ILDR2: variants seen among roughly 807,000 people sequenced by gnomAD.
ILDR2 encodes immunoglobulin-like domain-containing receptor 2.
Under a neutral mutation model 66.8 loss-of-function variants are expected in ILDR2, and 25 were observed. The ratio of observed to expected loss-of-function variants is 0.37; its 90% CI spans 0.27 to 0.52. The LOEUF is 0.52. Ranked by LOEUF, ILDR2 falls within the 20% of genes least tolerant of loss-of-function variation. The pLI is 0.88. For missense variants in ILDR2, 827 were observed against 876.8 expected, an observed-to-expected ratio of 0.94 and a Z score of 0.72; for synonymous variants, 367 against 357.2, an observed-to-expected ratio of 1.03 and a Z score of -0.31.
chr1:166,957,876 A>C lies in ILDR2; in HGVS notation c.272T>G (p.Leu91Trp). The change falls in exon 2 of 10, where the codon TTG becomes TGG. Residue 91 changes from leucine (L) to tryptophan (W), a missense_variant. By Grantham distance (61) the Leu-to-Trp change is moderately conservative (BLOSUM62 -2). Around this residue, in one of 2 missense-constraint regions of ILDR2, gnomAD observed 437 missense variants for 523.2 expected, o/e 0.84. Coordinates refer to ENST00000271417, the MANE Select transcript of ILDR2 (RefSeq NM_199351.3). ...SKRNLEWDPY[L>W]DCLDSRRTVR... Reference sequence around the variant, plus strand: ...AGTCCTCCTGCTGTCCAAACAATCCAAGTAGGGGTCCCATTCCAGGTTTCT... The same window carrying C: ...AGTCCTCCTGCTGTCCAAACAATCCCAGTAGGGGTCCCATTCCAGGTTTCT... 1 of 1,614,074 alleles carries C rather than the reference A, an allele frequency of 6.2e-7. No individual in the cohort carries two copies. The highest frequency in any genetic ancestry group is 8.5e-7 in the Non-Finnish European group (1 of 1,179,988).
At position 166,927,198 on chromosome 1, in the gene ILDR2, A is replaced by G. The variant is rs753597510; in HGVS notation, c.881-18T>C. On this transcript the variant is annotated intron_variant, in intron 6 of 9. Transcript: ENST00000271417. ...TTTGCGAACTGTTGAGAAAAGCACA[A>G]GAAGGTGAGCTGAAAAAGGAAAATA... 9.6e-6 allele frequency: 15 copies of G among 1,561,418 alleles called. No individual in the cohort carries two copies. Among genetic ancestry groups the G allele is most frequent in the Non-Finnish European group, 1.3e-5 (15 of 1,138,432 alleles).
chr1:166,965,264 T>C (rs544844776), intron 1 of ILDR2, among the ~76,000 whole-genome samples: 2 of 152,298 alleles, frequency 1.3e-5, no homozygotes, highest in East Asian at 3.9e-4. Flanking sequence ...TGCATACATA[T>C]GAAGAGGTAT....
At chr1:166,933,784 C>T (rs1660777193) in intron 6 of ILDR2, among the ~76,000 whole-genome samples, 1 of 152,194 alleles carries the variant, frequency 6.6e-6, no homozygotes, top group Non-Finnish European at 1.5e-5. Flanking sequence ...TGGACTACAT[C>T]GTCTTTATTT....
In ILDR2 at chr1:166,920,950, G is replaced by C; in HGVS notation, c.1641C>G (p.Ser547Arg). 1 of 1,483,690 alleles carries C rather than the reference G, an allele frequency of 6.7e-7. No homozygotes were observed. The highest frequency in any genetic ancestry group is 8.9e-7 in the Non-Finnish European group (1 of 1,126,852). The allele number at this position is 1,483,690 out of a possible 1,614,324, so 91.9% of individuals were successfully genotyped here. ...CGCTCCGCTTGGATGGCGTCTCCAG[G>C]CTGCCACCGCGGCTGGCGCCCTCGG... ...ARPEGASRGG[S>R]LETPSKRSAQ... The change falls in exon 9 of 10, where the codon AGC becomes AGG. Residue 547 changes from serine (S) to arginine (R), a missense_variant. By Grantham distance (110) the Ser-to-Arg change is moderately radical (BLOSUM62 -1). This residue lies in a region of ILDR2 where 390 missense variants were observed against 353.6 expected (regional missense o/e 1.10). Transcript: ENST00000271417.
intron 6 of ILDR2, among the ~76,000 whole-genome samples, chr1:166,930,736 C>T (rs1660593081): frequency 6.6e-6 from 1 of 152,056 alleles, no homozygotes; most frequent in Non-Finnish European, 1.5e-5. Context: ...ATTTTATTTC[C>T]ACTTACAAGC....
chr1:166,972,187 G>A (rs1158401869), intron 1 of ILDR2, among the ~76,000 whole-genome samples: 1 of 151,976 alleles, frequency 6.6e-6, no homozygotes, highest in East Asian at 1.9e-4. Flanking sequence ...ACTCTGGCCT[G>A]GGTGACAGAG....
chr1:166,897,869 C>T (rs1010616263), intron 2 of ILDR2, among the ~76,000 whole-genome samples: 5 of 152,136 alleles, frequency 3.3e-5, no homozygotes, highest in African/African-American at 1.2e-4. Flanking sequence ...ATAAGTTGTT[C>T]TAATAAATTA....
chr1:166,966,847 AG>A (rs140750291), intron 1 of ILDR2, among the ~76,000 whole-genome samples: 567 of 152,320 alleles, frequency 3.7e-3, no homozygotes, highest in South Asian at 8.7e-3. Context: ...CCACTTAGAC[AG>A]GAAAAAACTC....
rs540271099 is a variant in ILDR2, at chr1:166,963,580, C to T, written c.47-5479G>A. 5.3e-5 allele frequency among the ~76,000 whole-genome samples: 8 copies of T among 152,262 alleles called. No homozygotes were observed. In the South Asian group the frequency reaches 1.7e-3, roughly 32 times the overall value. On this transcript the variant is annotated intron_variant, in intron 1 of 9. Transcript: ENST00000271417. ...AACCCAATCCACTCTCCATATTTTT[C>T]TAGAATACCGTTTTTAAAACACACA... is the stretch of plus-strand genomic sequence containing the variant.
rs1660970518 is a variant in ILDR2, at chr1:166,936,247, G to A, written c.703+344C>T. 1.3e-5 allele frequency among the ~76,000 whole-genome samples: 2 copies of A among 152,114 alleles called. No homozygotes were observed. Among genetic ancestry groups the A allele is most frequent in the African/African-American group, 4.8e-5 (2 of 41,396 alleles). On this transcript the variant is annotated intron_variant, in intron 5 of 9. Coordinates refer to ENST00000271417, the MANE Select transcript of ILDR2 (RefSeq NM_199351.3). This position sits in a 1 kb window ranked among gnomAD's most constrained non-coding sequence, Gnocchi z 5.0. ...GCATGGGAAGGGAACGACCAGAGAA[G>A]GTTTCCTCTAGTTTGAATGCCCCAG...
chr1:166,948,973 A>T (rs116565150), intron 3 of ILDR2, among the ~76,000 whole-genome samples: 239 of 152,352 alleles, frequency 1.6e-3, no homozygotes, highest in African/African-American at 5.6e-3. Flanking sequence ...CCATGCTCAT[A>T]GACGTTGACT....
intron 6 of ILDR2, among the ~76,000 whole-genome samples, chr1:166,934,254 T>TG (rs1211382578): frequency 6.6e-6 from 1 of 152,194 alleles, no homozygotes; most frequent in Non-Finnish European, 1.5e-5. Flanking sequence ...GTGCCTCAAA[T>TG]GGGGCTAACC....
chr1:166,904,709 A>T (rs899712018), downstream of ILDR2, among the ~76,000 whole-genome samples: 1 of 152,234 alleles, frequency 6.6e-6, no homozygotes, highest in Non-Finnish European at 1.5e-5. Context: ...AACAATGTAC[A>T]TAAATACACT....
intron 1 of ILDR2, among the ~76,000 whole-genome samples, chr1:166,967,423 G>C (rs753237008): frequency 6.6e-6 from 1 of 152,200 alleles, no homozygotes; most frequent in Non-Finnish European, 1.5e-5. Context: ...AGAAACGGAG[G>C]GGGAAGGGAG....
At chr1:166,939,095 G>A (rs567145200) in intron 4 of ILDR2, among the ~76,000 whole-genome samples, 1 of 152,328 alleles carries the variant, frequency 6.6e-6, no homozygotes. Flanking sequence ...AAAGTTTGAT[G>A]ATGTTATAAA....
In ILDR2 at chr1:166,935,351, G is replaced by A. The variant is rs202050491; in HGVS notation, c.830C>T (p.Pro277Leu). The A allele has an allele frequency of 1.2e-5, 19 of 1,613,932 alleles. 1 individual carries two copies. Among genetic ancestry groups the A allele is most frequent in the African/African-American group, 4.0e-5 (3 of 74,878 alleles). Reference protein sequence around the residue: ...APSSGMLMDKPHPPPLAPSDS... With the variant: ...APSSGMLMDKLHPPPLAPSDS... Reference sequence around the variant, plus strand: ...ACTTGGTGCCAAGGGAGGTGGATGCGGCTTGTCCATCAGCATGCCAGATGA... The same window carrying A: ...ACTTGGTGCCAAGGGAGGTGGATGCAGCTTGTCCATCAGCATGCCAGATGA... The change falls in exon 6 of 10, where the codon CCG becomes CTG. Residue 277 changes from proline to leucine, a missense_variant. Transcript: ENST00000271417.
Position 166,921,073 on chromosome 1 carries a change from C to A in ILDR2, c.1518G>T (p.Glu506Asp). The A allele has an allele frequency of 6.7e-7, 1 of 1,486,004 alleles. No individual in the cohort carries two copies. The highest frequency in any genetic ancestry group is 8.9e-7 in the Non-Finnish European group (1 of 1,127,934). 92.1% of individuals were successfully genotyped at this position (1,486,004 alleles called of 1,614,324 possible). A position where few individuals can be genotyped will look rare whatever the true frequency, so the allele number is the denominator to read the frequency against. ...TCACCAGCCGCGGCAGGTGCGCGTC[C>A]TCGGCGGGTCTGCGGCGCGCGGGGC... is the stretch of plus-strand genomic sequence containing the variant. ...AFSPARRRPAEDAHLPRLVSR... is the reference protein window; with the variant it reads ...AFSPARRRPADDAHLPRLVSR... The change falls in exon 9 of 10, where the codon GAG (glutamate) becomes GAT (aspartate). Residue 506 changes from glutamate to aspartate, a missense_variant. Physicochemically the swap from Glu to Asp is conservative, Grantham distance 45. Transcript: ENST00000271417. The surrounding 1 kb of genome is among the most constrained non-coding windows in gnomAD (Gnocchi z 5.3).
intron 4 of ILDR2, among the ~76,000 whole-genome samples, chr1:166,939,221 C>T (rs1344613645): frequency 6.6e-6 from 1 of 152,144 alleles, no homozygotes; most frequent in Non-Finnish European, 1.5e-5. Context: ...TATATGGGTA[C>T]AGCTGAAATA....
intron 2 of ILDR2, among the ~76,000 whole-genome samples, chr1:166,900,055 A>T (rs1659233789): frequency 6.6e-6 from 1 of 152,216 alleles, no homozygotes; most frequent in Non-Finnish European, 1.5e-5. Flanking sequence ...CACCCAGGTC[A>T]TTCAAATGTC....
Sources: gnomAD v4.1 joint callset for allele counts (sites outside exome capture counted in the v4.1 genomes callset) on GRCh38, gnomAD v4.1.1 for gene constraint, gnomAD v4.1.1 regional missense constraint, Gnocchi (gnomAD v3.1) non-coding constraint, MANE v1.5 for transcripts, NCBI Gene and HGNC (gene_info 2026-07-23, HGNC 2026-07-21) for gene names.